The following ARHGAP40 variants were observed in gnomAD, a reference collection of about 807,000 sequenced individuals.
ARHGAP40 encodes the protein Rho GTPase activating protein 40.
Under a neutral mutation model 73.5 loss-of-function variants are expected in ARHGAP40, and 43 were observed. The observed-to-expected ratio is 0.58, with a 90% CI of 0.46 to 0.75. The LOEUF (loss-of-function observed/expected upper bound fraction) is 0.75. Ranked by LOEUF, ARHGAP40 falls within the 30% of genes least tolerant of loss-of-function variation. The probability of loss-of-function intolerance (pLI) is 0.00; values close to 1 mark genes in which losing one functional copy is unlikely to be tolerated. For missense variants in ARHGAP40, 734 were observed against 861.8 expected, an observed-to-expected ratio of 0.85 and a Z score of 1.86; for synonymous variants, 300 against 352.8, an observed-to-expected ratio of 0.85 and a Z score of 1.68.
At chr20:38,624,422 C>G (rs2088888808) in intron 2 of ARHGAP40, among the ~76,000 whole-genome samples, 1 of 152,150 alleles carries the variant, frequency 6.6e-6, no homozygotes, top group Non-Finnish European at 1.5e-5. Flanking sequence ...CAGCTATGTT[C>G]AAGGGGAGGG....
chr20:38,649,077 A>G (rs898551981), intron 14 of ARHGAP40, among the ~76,000 whole-genome samples: 1 of 152,180 alleles, frequency 6.6e-6, no homozygotes, highest in African/African-American at 2.4e-5. Flanking sequence ...CTGCAAACAC[A>G]TATCCAGCTC....
intron 6 of ARHGAP40, among the ~76,000 whole-genome samples, chr20:38,637,036 A>C (rs1480350855): frequency 6.6e-6 from 1 of 152,146 alleles, no homozygotes; most frequent in Non-Finnish European, 1.5e-5. Context: ...CAGGGAATAC[A>C]TTCTCTAGGA....
At chr20:38,639,596 A>G (rs903909802) in intron 9 of ARHGAP40, among the ~76,000 whole-genome samples, 3 of 152,262 alleles carry the variant, frequency 2.0e-5, no homozygotes, top group Non-Finnish European at 2.9e-5. Context: ...CGTGTGTTGT[A>G]TGGCATGTGT....
At chr20:38,610,675 G>C (rs1415130662) in intron 1 of ARHGAP40, among the ~76,000 whole-genome samples, 1 of 152,132 alleles carries the variant, frequency 6.6e-6, no homozygotes, top group East Asian at 1.9e-4. Context: ...ATTTGCAATT[G>C]GTTAGAGGAG....
rs1321268525 is a variant in ARHGAP40 at position 38,646,065 on chromosome 20, G to T, written c.1588G>T (p.Ala530Ser). 2 of 1,303,848 alleles carry T rather than the reference G, an allele frequency of 1.5e-6. No individual in the cohort carries two copies. Among genetic ancestry groups the T allele is most frequent in the African/African-American group, 1.5e-5 (1 of 65,972 alleles). The allele number at this position is 1,303,848 out of a possible 1,614,324, so 80.8% of individuals were successfully genotyped here. ...TGGCCAGGTCGCCTCTTTCCTGGTC[G>T]CCCAGGTGCGAAAACTGAACGACAG... is the stretch of plus-strand genomic sequence containing the variant. The change falls in exon 12 of 15, where the codon GCC becomes TCC. Residue 530 changes from alanine to serine, a missense_variant. Physicochemically the swap from Ala to Ser is moderately conservative, Grantham distance 99. Transcript: ENST00000373345. The surrounding 1 kb of genome is among the most constrained non-coding windows in gnomAD (Gnocchi z 4.5).
chr20:38,635,007 G>A lies in ARHGAP40; in HGVS notation c.949+222G>A, dbSNP rs538243481. ...AGCAATTCTTTTGCCTCAGCCACCCGAGTAGCTGAGACTACAGGTGCGCAC... is the reference window on the plus strand; with the variant it reads ...AGCAATTCTTTTGCCTCAGCCACCCAAGTAGCTGAGACTACAGGTGCGCAC... On this transcript the variant is annotated intron_variant, in intron 6 of 14. Transcript: ENST00000373345. Among the ~76,000 whole-genome samples the A allele has an allele frequency of 4.6e-5, 7 of 151,620 alleles. No homozygotes were observed. The South Asian group carries it at 1.0e-3, about 23-fold the overall frequency.
chr20:38,625,528 C>G (rs2145602863), intron 2 of ARHGAP40, among the ~76,000 whole-genome samples: 1 of 152,316 alleles, frequency 6.6e-6, no homozygotes, highest in South Asian at 2.1e-4. Context: ...AAGCGATTCT[C>G]CTGCCTCAGC....
At chr20:38,627,058 G>A in exon 3 of ARHGAP40, 1 of 1,305,314 alleles carries the variant, frequency 7.7e-7, no homozygotes, top group Non-Finnish European at 1.0e-6. Context: ...GGTGGCCTGG[G>A]CTTGGATGGT....
chr20:38,635,730 G>A (rs2145609458), intron 6 of ARHGAP40, among the ~76,000 whole-genome samples: 1 of 151,898 alleles, frequency 6.6e-6, no homozygotes, highest in African/African-American at 2.4e-5. Flanking sequence ...ATATATTATA[G>A]TTATAGATCT....
At position 38,627,005 on chromosome 20, in the gene ARHGAP40, T is replaced by TG. The variant is rs1371676049; in HGVS notation, c.349dup (p.Glu117GlyfsTer22). On this transcript the variant is annotated frameshift_variant, in exon 3 of 15. Coordinates refer to ENST00000373345, the Ensembl canonical transcript of ARHGAP40. LOFTEE classifies it high-confidence loss of function. ...TACTTCTGTTGGCAGAAGGGGAAGC[T>TG]GAATCCCAGTGGCTGCAGGACACAG... 7.7e-7 allele frequency: 1 copy of TG among 1,303,974 alleles called. No homozygotes were observed. The highest frequency in any genetic ancestry group is 1.0e-6 in the Non-Finnish European group (1 of 988,822). The allele number at this position is 1,303,974 out of a possible 1,614,324, so 80.8% of individuals were successfully genotyped here.
intron 1 of ARHGAP40, among the ~76,000 whole-genome samples, chr20:38,617,427 AG>A (rs773001366): frequency 6.6e-6 from 1 of 152,108 alleles, no homozygotes; most frequent in Non-Finnish European, 1.5e-5. Flanking sequence ...CACCTTGCAA[AG>A]CCCCCTTCTC....
At chr20:38,612,862 AG>A (rs1390516086) in intron 1 of ARHGAP40, among the ~76,000 whole-genome samples, 1 of 152,224 alleles carries the variant, frequency 6.6e-6, no homozygotes, top group African/African-American at 2.4e-5. Context: ...TAAGTGACTC[AG>A]GAAGGGACAC....
intron 9 of ARHGAP40, among the ~76,000 whole-genome samples, chr20:38,641,455 C>A (rs2089017854): frequency 6.6e-6 from 1 of 152,210 alleles, no homozygotes; most frequent in Non-Finnish European, 1.5e-5. Context: ...GCCTGGACTG[C>A]ATCTAGGTCT....
At chr20:38,632,115 T>C (rs973316609) in intron 5 of ARHGAP40, among the ~76,000 whole-genome samples, 12 of 151,438 alleles carry the variant, frequency 7.9e-5, no homozygotes, top group Non-Finnish European at 1.5e-4. Flanking sequence ...AGGCATGTGC[T>C]ACCACACCCA....
At chr20:38,619,671 T>G (rs564294568) in intron 1 of ARHGAP40, among the ~76,000 whole-genome samples, 1 of 145,794 alleles carries the variant, frequency 6.9e-6, no homozygotes, top group Admixed American at 6.9e-5. Context: ...CAACCTGGGT[T>G]CGTATCCGGG....
chr20:38,627,732 G>A (rs573467986), intron 3 of ARHGAP40, among the ~76,000 whole-genome samples: 6 of 151,312 alleles, frequency 4.0e-5, no homozygotes, highest in East Asian at 1.9e-4. Flanking sequence ...GCTTGCACAC[G>A]TATGTCTCCC....
rs375295946 is a variant in ARHGAP40, at chr20:38,617,545, G to A, written c.138-5814G>A. On this transcript the variant is annotated intron_variant, in intron 1 of 14. Transcript: ENST00000373345. ...GAGCAGGGGAGCTTGGATGGGAGCC[G>A]AGGACTTCTAGGACCTGCCTCATCT... is the stretch of plus-strand genomic sequence containing the variant. Among the ~76,000 whole-genome samples the A allele has an allele frequency of 4.5e-4, 68 of 152,220 alleles. 2 individuals carry two copies. The highest frequency in any genetic ancestry group is 3.4e-3 in the Middle Eastern group (1 of 294).
intron 8 of ARHGAP40, 135 bp from the exon 9 acceptor site, chr20:38,639,092 T>C: frequency 1.0e-6 from 1 of 969,298 alleles, no homozygotes; most frequent in Non-Finnish European, 1.4e-6. Context: ...ATTTCGTCCT[T>C]ACTTCAACCC....
chr20:38,612,273 T>C (rs1317590117), intron 1 of ARHGAP40, among the ~76,000 whole-genome samples: 1 of 152,228 alleles, frequency 6.6e-6, no homozygotes, highest in East Asian at 1.9e-4. Flanking sequence ...TTTCATAAAA[T>C]ATACAGCCAG....
Sources: gnomAD v4.1 joint callset for allele counts (sites outside exome capture counted in the v4.1 genomes callset) on GRCh38, gnomAD v4.1.1 for gene constraint, Gnocchi (gnomAD v3.1) non-coding constraint, MANE v1.5 for transcripts, NCBI Gene and HGNC (gene_info 2026-07-23, HGNC 2026-07-21) for gene names.